ERGIC3: variants seen among roughly 807,000 people sequenced by gnomAD.
ERGIC3 encodes the protein ERGIC and golgi 3.
A neutral mutation model predicts 54.7 loss-of-function variants in ERGIC3; 33 were observed. The observed-to-expected ratio is 0.60, with a 90% CI of 0.46 to 0.81. The LOEUF (loss-of-function observed/expected upper bound fraction) is 0.81. ERGIC3 is among the 30% of genes least tolerant of loss of function. ERGIC3 has a pLI of 0.00. For missense variants in ERGIC3, 399 were observed against 488.4 expected, an observed-to-expected ratio of 0.82 and a Z score of 1.73; for synonymous variants, 186 against 189.8, an observed-to-expected ratio of 0.98 and a Z score of 0.16.
intron 7 of ERGIC3, among the ~76,000 whole-genome samples, chr20:35,553,019 G>GCTTTTTTTTTTTTT (rs2064689546): frequency 7.9e-5 from 1 of 12,632 alleles, no homozygotes; most frequent in African/African-American, 1.8e-4. Flanking sequence ...CAAAGCTGGG[G>GCTTTTTTTTTTTTT]ATTTTTTTTT....
chr20:35,542,690 G>C (rs2064622025), intron 3 of ERGIC3, 90 bp downstream of exon 3: 1 of 1,597,508 alleles, frequency 6.3e-7, no homozygotes, highest in Non-Finnish European at 8.6e-7. Flanking sequence ...GTTCTGGACT[G>C]GACCCCAGGA....
chr20:35,557,516 G>A lies in ERGIC3; in HGVS notation c.*12G>A. 1 of 1,612,568 alleles carries A rather than the reference G, an allele frequency of 6.2e-7. No homozygotes were observed. Among genetic ancestry groups the A allele is most frequent in the Non-Finnish European group, 8.5e-7 (1 of 1,178,784 alleles). Reference sequence around the variant, plus strand: ...GGAAGACAACGTAGTCACCCTCGGTGCTTCCTCTGTCTCCTCTTTCTCCCT... The same window carrying A: ...GGAAGACAACGTAGTCACCCTCGGTACTTCCTCTGTCTCCTCTTTCTCCCT... On this transcript the variant is annotated 3_prime_UTR_variant, in exon 13 of 13. Coordinates refer to ENST00000348547, the MANE Select transcript of ERGIC3 (RefSeq NM_015966.3).
intron 4 of ERGIC3, 148 bp downstream of exon 4, chr20:35,543,089 A>G (rs1212255893): frequency 8.8e-7 from 1 of 1,137,840 alleles, no homozygotes; most frequent in African/African-American, 1.5e-5. Flanking sequence ...TCCCCCAGCT[A>G]GTAAGAGTCA....
chr20:35,557,569 C>A lies in ERGIC3; in HGVS notation c.*65C>A. On this transcript the variant is annotated 3_prime_UTR_variant, in exon 13 of 13. Transcript: ENST00000348547. ...CCTGTGGTTGTCCCCCAGCCTCTGC[C>A]ACCCTCCACCTCCTCGGTCAGCCCC... The A allele has an allele frequency of 7.2e-7, 1 of 1,379,338 alleles. No individual in the cohort carries two copies. Among genetic ancestry groups the A allele is most frequent in the Non-Finnish European group, 1.0e-6 (1 of 969,114 alleles). The allele number at this position is 1,379,338 out of a possible 1,614,324, so 85.4% of individuals were successfully genotyped here.
chr20:35,557,185 T>G lies in ERGIC3; in HGVS notation c.1017-9T>G, dbSNP rs1192976317. 7 of 1,614,198 alleles carry G rather than the reference T, an allele frequency of 4.3e-6. No homozygotes were observed. The highest frequency in any genetic ancestry group is 5.9e-6 in the Non-Finnish European group (7 of 1,180,018). ...GATGCCTGCTGAGCCCACCCTCTCC[T>G]TCTACCAGGTCCTTCACCCACTTCC... On this transcript the variant is annotated splice_polypyrimidine_tract_variant and intron_variant, in intron 11 of 12. Transcript: ENST00000348547.
Position 35,542,389 on chromosome 20 carries a change from C to T in ERGIC3, c.155C>T (p.Thr52Met). 2 of 1,613,704 alleles carry T rather than the reference C, an allele frequency of 1.2e-6. No individual in the cohort carries two copies. Among genetic ancestry groups the T allele is most frequent in the African/African-American group, 1.3e-5 (1 of 74,908 alleles). The change falls in exon 2 of 13, where the codon ACG (threonine) becomes ATG (methionine). Residue 52 changes from threonine (T) to methionine (M), a missense_variant. Physicochemically the swap from Thr to Met is moderately conservative, Grantham distance 81. Coordinates refer to ENST00000348547, the MANE Select transcript of ERGIC3 (RefSeq NM_015966.3). ...FLSELQYYLT[T>M]EVHPELYVDK... ...TCCGAGCTGCAGTATTACCTCACCACGGAGGTAAGGGGCGGGGCTTAGTGC... is the reference window on the plus strand; with the variant it reads ...TCCGAGCTGCAGTATTACCTCACCATGGAGGTAAGGGGCGGGGCTTAGTGC...
rs773449472 is a variant in ERGIC3 at position 35,549,245 on chromosome 20, T to C, written c.685+380T>C. 2.1e-5 allele frequency: 10 copies of C among 472,658 alleles called. No homozygotes were observed. The Middle Eastern group carries it at 9.8e-4, about 46-fold the overall frequency. 29.3% of individuals were successfully genotyped at this position (472,658 alleles called of 1,614,324 possible). On this transcript the variant is annotated intron_variant, in intron 7 of 12. Transcript: ENST00000348547. ...TGAAATGGTAGCCCCCCGTGTCCGA[T>C]GATGACCTGTGCATGAGGCTTTGGG...
chr20:35,555,089 G>A lies in ERGIC3; in HGVS notation c.717+14G>A, dbSNP rs752714648. 1 of 1,613,446 alleles carries A rather than the reference G, an allele frequency of 6.2e-7. No individual in the cohort carries two copies. Among genetic ancestry groups the A allele is most frequent in the East Asian group, 2.2e-5 (1 of 44,882 alleles). On this transcript the variant is annotated intron_variant, in intron 8 of 12. Coordinates refer to ENST00000348547, the MANE Select transcript of ERGIC3 (RefSeq NM_015966.3). Reference sequence around the variant, plus strand: ...GGCCTTGACAACGTACGTACCAGATGGAAACCATGGAGGGCAGGTGGGGGT... The same window carrying A: ...GGCCTTGACAACGTACGTACCAGATAGAAACCATGGAGGGCAGGTGGGGGT...
intron 7 of ERGIC3, 122 bp from the exon 8 acceptor site, chr20:35,554,922 G>C (rs2064702823): frequency 8.2e-7 from 1 of 1,219,726 alleles, no homozygotes; most frequent in Non-Finnish European, 1.2e-6. Context: ...GGAGGTGCCA[G>C]GCTGGAGAAG....
Position 35,542,362 on chromosome 20 carries a change from T to G in ERGIC3, c.128T>G (p.Leu43Arg). 2 of 1,613,858 alleles carry G rather than the reference T, an allele frequency of 1.2e-6. No individual in the cohort carries two copies. The highest frequency in any genetic ancestry group is 1.7e-6 in the Non-Finnish European group (2 of 1,179,982). ...GGCCTTCTCATGCTGCTACTGTTCC[T>G]GTCCGAGCTGCAGTATTACCTCACC... ...VSGLLMLLLFLSELQYYLTTE... is the reference protein window; with the variant it reads ...VSGLLMLLLFRSELQYYLTTE... Residue 43 changes from leucine to arginine, a missense_variant, in exon 2 of 13, where the codon CTG becomes CGG. Physicochemically the swap from Leu to Arg is moderately radical, Grantham distance 102. Transcript: ENST00000348547.
intron 7 of ERGIC3, among the ~76,000 whole-genome samples, chr20:35,550,738 G>A (rs929835784): frequency 6.6e-6 from 1 of 152,196 alleles, no homozygotes; most frequent in Non-Finnish European, 1.5e-5. Context: ...CCCTGAAGAA[G>A]GTGAGGCATG....
intron 10 of ERGIC3, 107 bp from the exon 11 acceptor site, chr20:35,556,864 TTA>T: frequency 1.3e-6 from 2 of 1,501,130 alleles, no homozygotes; most frequent in Non-Finnish European, 1.8e-6. Context: ...TGTTCTCTCC[TTA>T]CACGGCCAAG....
chr20:35,542,800 A>G, intron 3 of ERGIC3, 22 bp from the exon 4 acceptor site: 1 of 1,613,968 alleles, frequency 6.2e-7, no homozygotes. Flanking sequence ...CCAGTACCTT[A>G]GCCTGATTTT....
chr20:35,556,738 T>A (rs2064714972), intron 10 of ERGIC3: 1 of 605,582 alleles, frequency 1.7e-6, no homozygotes, highest in Non-Finnish European at 3.0e-6. Flanking sequence ...CACCAAATGC[T>A]GCCAGGATAG....
chr20:35,542,105 C>T lies in ERGIC3; in HGVS notation c.8C>T (p.Ala3Val), dbSNP rs1485185394. ME[A>V]LGKLKQFDAY... is the part of the protein sequence containing the mutation. ...CCTTTCCGGCCGGTCCCCATGGAGG[C>T]GCTGGGGAAGCTGAAGCAGTTCGAT... Residue 3 changes from alanine to valine, a missense_variant, in exon 1 of 13, where the codon GCG becomes GTG. By Grantham distance (64) the Ala-to-Val change is moderately conservative. Coordinates refer to ENST00000348547, the MANE Select transcript of ERGIC3 (RefSeq NM_015966.3). 3.9e-6 allele frequency: 6 copies of T among 1,548,344 alleles called. No individual in the cohort carries two copies. In the East Asian group the frequency reaches 6.8e-5, roughly 18 times the overall value.
intron 11 of ERGIC3, 42 bp downstream of exon 11, chr20:35,557,151 AG>A: frequency 6.2e-7 from 1 of 1,614,202 alleles, no homozygotes; most frequent in Non-Finnish European, 8.5e-7. Context: ...CCTGGGCCTG[AG>A]GGAGGAGGAT....
At chr20:35,551,463 T>C (rs939192887) in intron 7 of ERGIC3, among the ~76,000 whole-genome samples, 1 of 152,184 alleles carries the variant, frequency 6.6e-6, no homozygotes, top group Non-Finnish European at 1.5e-5. Context: ...AAGTAAGTTT[T>C]CCATTCAAGC....
chr20:35,546,536 G>T (rs912298449), intron 4 of ERGIC3, among the ~76,000 whole-genome samples: 87 of 152,210 alleles, frequency 5.7e-4, no homozygotes, highest in African/African-American at 2.0e-3. Flanking sequence ...AGTCCTAAAG[G>T]AGCTTCAGGA....
chr20:35,547,389 C>T, intron 4 of ERGIC3, 23 bp from the exon 5 acceptor site: 1 of 1,605,926 alleles, frequency 6.2e-7, no homozygotes, highest in Non-Finnish European at 8.5e-7. Context: ...CAGCTGATGC[C>T]TCTGCTTCTC....
Sources: gnomAD v4.1 joint callset for allele counts (sites outside exome capture counted in the v4.1 genomes callset) on GRCh38, gnomAD v4.1.1 for gene constraint, MANE v1.5 for transcripts, NCBI Gene and HGNC (gene_info 2026-07-23, HGNC 2026-07-21) for gene names.